SYN3: variants seen among roughly 807,000 people sequenced by gnomAD.
SYN3 encodes the protein synapsin III, also known as synapsin-3.
Under a neutral mutation model 65.8 loss-of-function variants are expected in SYN3, and 35 were observed. The observed-to-expected ratio is 0.53, with a 90% CI of 0.41 to 0.70. SYN3 has a LOEUF of 0.70. Ranked by LOEUF, SYN3 falls within the 30% of genes least tolerant of loss-of-function variation. The pLI is 0.00. For synonymous variants in SYN3, 270 were observed against 292.9 expected, an observed-to-expected ratio of 0.92 and a Z score of 0.80; for missense variants, 680 against 749.0, an observed-to-expected ratio of 0.91 and a Z score of 1.08.
At chr22:32,809,127 C>G (rs750180188) in intron 6 of SYN3, among the ~76,000 whole-genome samples, 1 of 152,248 alleles carries the variant, frequency 6.6e-6, no homozygotes, top group Non-Finnish European at 1.5e-5. Context: ...AAGCTCCTTA[C>G]TTGCCTATCA....
At chr22:32,643,730 A>C (rs1454724515) in intron 6 of SYN3, among the ~76,000 whole-genome samples, 1 of 152,212 alleles carries the variant, frequency 6.6e-6, no homozygotes, top group Admixed American at 6.5e-5. Flanking sequence ...TCTCATTTGT[A>C]AAATGGAGGT....
intron 6 of SYN3, chr22:32,849,479 A>G: frequency 6.2e-7 from 1 of 1,613,828 alleles, no homozygotes; most frequent in Non-Finnish European, 8.5e-7. Flanking sequence ...GTGGGGAAGA[A>G]GCTGGTAAAG....
intron 1 of SYN3, among the ~76,000 whole-genome samples, chr22:33,010,105 G>A (rs905572952): frequency 1.3e-5 from 2 of 152,062 alleles, no homozygotes; most frequent in Non-Finnish European, 2.9e-5. Context: ...GGTGGTGTAT[G>A]CCTGTAATCC....
intron 7 of SYN3, among the ~76,000 whole-genome samples, chr22:32,565,773 ACGAT>A (rs1401728088): frequency 6.6e-6 from 1 of 151,750 alleles, no homozygotes; most frequent in Non-Finnish European, 1.5e-5. Flanking sequence ...GTGCAGTGGC[ACGAT>A]CTCGGCTCAC....
chr22:32,630,894 T>C (rs897408622), intron 6 of SYN3, among the ~76,000 whole-genome samples: 10 of 152,212 alleles, frequency 6.6e-5, no homozygotes, highest in South Asian at 2.1e-4. Context: ...CCAGTATATC[T>C]AGCACATCCC....
chr22:32,993,125 T>A (rs2145727748), intron 2 of SYN3, among the ~76,000 whole-genome samples: 1 of 152,188 alleles, frequency 6.6e-6, no homozygotes, highest in Admixed American at 6.5e-5. Context: ...ATCCCGAGAC[T>A]GTTCCTGCCA....
chr22:32,724,022 T>C (rs925554033), intron 6 of SYN3, among the ~76,000 whole-genome samples: 3 of 152,134 alleles, frequency 2.0e-5, no homozygotes, highest in Non-Finnish European at 4.4e-5. Context: ...AGAAAGCTAG[T>C]GTCGGAGCAA....
intron 11 of SYN3, 62 bp downstream of exon 11, chr22:32,528,812 A>G: frequency 6.2e-7 from 1 of 1,604,614 alleles, no homozygotes; most frequent in Non-Finnish European, 8.5e-7. Flanking sequence ...GGGGCTCCCC[A>G]TTTCCAGACA....
chr22:32,932,714 C>T (rs1173633555), intron 3 of SYN3, among the ~76,000 whole-genome samples: 2 of 152,200 alleles, frequency 1.3e-5, no homozygotes, highest in Non-Finnish European at 2.9e-5. Flanking sequence ...ATACATCCCT[C>T]TTACCAGATG....
At chr22:32,780,923 TCCTTCCTTC>T (rs2046028214) in intron 6 of SYN3, among the ~76,000 whole-genome samples, 1 of 123,808 alleles carries the variant, frequency 8.1e-6, no homozygotes, top group Non-Finnish European at 1.7e-5. Context: ...CTTCCTTCCT[TCCTTCCTTC>T]CTTTCCTTCC....
intron 4 of SYN3, among the ~76,000 whole-genome samples, chr22:32,922,064 C>T (rs1417322055): frequency 6.6e-6 from 1 of 152,240 alleles, no homozygotes; most frequent in Non-Finnish European, 1.5e-5. Flanking sequence ...AGCCCTGGTG[C>T]ACAAGGTGCC....
At chr22:32,690,843 G>A (rs900795882) in intron 6 of SYN3, among the ~76,000 whole-genome samples, 5 of 152,172 alleles carry the variant, frequency 3.3e-5, no homozygotes, top group Admixed American at 2.6e-4. Context: ...GCCCACATGG[G>A]AAGCGAGGGC....
intron 6 of SYN3, among the ~76,000 whole-genome samples, chr22:32,805,412 C>T (rs1329382145): frequency 6.6e-6 from 1 of 152,168 alleles, no homozygotes; most frequent in Non-Finnish European, 1.5e-5. Context: ...ACAATTACAC[C>T]TCAACACTGG....
At chr22:32,739,280 C>T (rs944737059) in intron 6 of SYN3, among the ~76,000 whole-genome samples, 1 of 151,966 alleles carries the variant, frequency 6.6e-6, no homozygotes. Flanking sequence ...CTCATTCTCT[C>T]TCTTGTCTGC....
chr22:32,806,424 T>C (rs934979896), intron 6 of SYN3, among the ~76,000 whole-genome samples: 2 of 152,196 alleles, frequency 1.3e-5, no homozygotes, highest in African/African-American at 4.8e-5. Context: ...AACACGATTC[T>C]CCATCGCACT....
rs549610899 is a variant in SYN3, at chr22:32,862,781, C to T, written c.711+2134G>A. 2.0e-5 allele frequency: 3 copies of T among 152,726 alleles called. No individual in the cohort carries two copies. In the South Asian group the frequency reaches 6.2e-4, roughly 32 times the overall value. 9.5% of individuals were successfully genotyped at this position (152,726 alleles called of 1,614,324 possible). On this transcript the variant is annotated intron_variant, in intron 6 of 13. Transcript: ENST00000358763. ...TGGGGGTAGAGGCTTCTTAGATTCT[C>T]CCAGCATCCGCCTTTCCCTTTAGCC...
chr22:32,534,690 T>G (rs1025089198), intron 9 of SYN3, among the ~76,000 whole-genome samples: 1 of 152,186 alleles, frequency 6.6e-6, no homozygotes, highest in Non-Finnish European at 1.5e-5. Context: ...TGTGTCAATG[T>G]TCTTGCTTCT....
chr22:32,570,681 C>T (rs770706040), intron 7 of SYN3, among the ~76,000 whole-genome samples: 12 of 152,046 alleles, frequency 7.9e-5, no homozygotes, highest in African/African-American at 1.7e-4. Context: ...TGTGAAGGGA[C>T]GTGAGTTGGC....
intron 4 of SYN3, among the ~76,000 whole-genome samples, chr22:32,887,691 C>A (rs575371770): frequency 6.6e-6 from 1 of 152,268 alleles, no homozygotes; most frequent in Admixed American, 6.5e-5. Flanking sequence ...TAGTTTGTTC[C>A]CTTTTATCCC....
Sources: allele counts gnomAD v4.1 joint callset (sites outside exome capture counted in the v4.1 genomes callset), GRCh38; gene constraint gnomAD v4.1.1; transcripts MANE v1.5; gene names NCBI Gene and HGNC (gene_info 2026-07-23, HGNC 2026-07-21).